Variants in FSD2 observed in about 807,000 individuals in gnomAD.
FSD2 encodes fibronectin type III and SPRY domain containing 2, also known as fibronectin type III and SPRY domain-containing protein 2.
FSD2 carries 71 observed loss-of-function variants against 80.4 expected under a neutral mutation model. The observed-to-expected ratio is 0.88, with a 90% confidence interval of 0.73 to 1.08. The LOEUF (loss-of-function observed/expected upper bound fraction) is 1.08. Ranked by LOEUF, FSD2 falls within the 50% of genes least tolerant of loss-of-function variation. The pLI is 0.00. For synonymous variants in FSD2, 361 were observed against 329.5 expected (o/e 1.10, Z -1.03); for missense variants, 923 against 913.8 (o/e 1.01, Z -0.13).
rs575908396 is a variant in FSD2, at chr15:82,799,167, C to T, written c.-79+6799G>A. On this transcript the variant is annotated intron_variant, in intron 1 of 12. Transcript: ENST00000334574. Reference sequence around the variant, plus strand: ...TTGGGATTACAGGTGTGAGCCAATGCGCCTGGCCTATCTCCACTTTTGATT... The same window carrying T: ...TTGGGATTACAGGTGTGAGCCAATGTGCCTGGCCTATCTCCACTTTTGATT... Among the ~76,000 whole-genome samples, 5 of 152,220 alleles carry T rather than the reference C, an allele frequency of 3.3e-5. No homozygotes were observed. The East Asian group carries it at 9.7e-4, about 29-fold the overall frequency.
At chr15:82,788,106 T>C (rs1414871517) in intron 1 of FSD2, among the ~76,000 whole-genome samples, 1 of 152,062 alleles carries the variant, frequency 6.6e-6, no homozygotes, top group Non-Finnish European at 1.5e-5. Context: ...AAAAGTGGCA[T>C]CTCAATAGAT....
chr15:82,798,873 G>GTTTTTTTTTTTTTTTTTTTTTTTTTTTTT lies in FSD2; in HGVS notation c.-79+7092_-79+7093insAAAAAAAAAAAAAAAAAAAAAAAAAAAAA, dbSNP rs149986626. Among the ~76,000 whole-genome samples, 6 of 111,472 alleles carry GTTTTTTTTTTTTTTTTTTTTTTTTTTTTT rather than the reference G, an allele frequency of 5.4e-5. 2 individuals are homozygous for GTTTTTTTTTTTTTTTTTTTTTTTTTTTTT. Among genetic ancestry groups the GTTTTTTTTTTTTTTTTTTTTTTTTTTTTT allele is most frequent in the African/African-American group, 7.3e-5 (2 of 27,286 alleles). 73.1% of individuals were successfully genotyped at this position (111,472 alleles called of 152,430 possible). A position where few individuals can be genotyped will look rare whatever the true frequency, so the allele number is the denominator to read the frequency against. On this transcript the variant is annotated intron_variant, in intron 1 of 12. Transcript: ENST00000334574. ...AAGTTTTCTTTCCACTATCTCCACT[G>GTTTTTTTTTTTTTTTTTTTTTTTTTTTTT]TTTTGTTTTTTTTTTTTTTTTTGAG...
intron 1 of FSD2, among the ~76,000 whole-genome samples, chr15:82,795,176 A>C (rs530278200): frequency 6.6e-5 from 10 of 152,086 alleles, no homozygotes; most frequent in Admixed American, 5.2e-4. Context: ...TTTAGTTTCA[A>C]TCTATTTGTA....
intron 6 of FSD2, among the ~76,000 whole-genome samples, chr15:82,778,113 A>G (rs1242927098): frequency 9.3e-6 from 1 of 107,192 alleles, no homozygotes; most frequent in Non-Finnish European, 1.8e-5. Context: ...TCTGAAAAAA[A>G]AACACAAAAA....
At chr15:82,780,187 G>C in intron 5 of FSD2, 58 bp downstream of exon 5, 1 of 1,225,702 alleles carries the variant, frequency 8.2e-7, no homozygotes, top group Non-Finnish European at 1.1e-6. Context: ...GAGTCTATTT[G>C]GATAACTAAA....
chr15:82,762,327 G>T, intron 11 of FSD2, 49 bp from the exon 12 acceptor site: 2 of 1,580,306 alleles, frequency 1.3e-6, no homozygotes, highest in Non-Finnish European at 8.6e-7. Flanking sequence ...CCCCAAGCCT[G>T]GCTGTGCAGG....
intron 4 of FSD2, among the ~76,000 whole-genome samples, chr15:82,781,083 A>G (rs1265110872): frequency 6.6e-6 from 1 of 152,162 alleles, no homozygotes; most frequent in East Asian, 1.9e-4. Context: ...AGCACTTTCC[A>G]TGTAGTAAAT....
chr15:82,768,854 G>A, intron 9 of FSD2, 26 bp downstream of exon 9: 1 of 1,461,214 alleles, frequency 6.8e-7, no homozygotes, highest in South Asian at 1.7e-5. Context: ...GGGCTCTCGT[G>A]CCCAGCAAAT....
At chr15:82,768,217 C>A (rs2049468857) in intron 9 of FSD2, among the ~76,000 whole-genome samples, 1 of 152,320 alleles carries the variant, frequency 6.6e-6, no homozygotes, top group South Asian at 2.1e-4. Flanking sequence ...TTCACCCTCA[C>A]CTCTCTGAAT....
intron 1 of FSD2, among the ~76,000 whole-genome samples, chr15:82,797,951 G>A (rs2050317768): frequency 6.6e-6 from 1 of 152,102 alleles, no homozygotes; most frequent in Admixed American, 6.5e-5. Context: ...TATGGTCCCA[G>A]GAGAACAAGA....
chr15:82,794,559 T>C (rs2050218134), intron 1 of FSD2, among the ~76,000 whole-genome samples: 1 of 152,184 alleles, frequency 6.6e-6, no homozygotes, highest in African/African-American at 2.4e-5. Flanking sequence ...TGCTTAGTCA[T>C]TCTATCCATT....
chr15:82,767,791 G>C (rs2049457497), intron 9 of FSD2, among the ~76,000 whole-genome samples: 1 of 152,182 alleles, frequency 6.6e-6, no homozygotes, highest in African/African-American at 2.4e-5. Flanking sequence ...GGAACAGATG[G>C]ATGGGTGGCA....
intron 6 of FSD2, among the ~76,000 whole-genome samples, chr15:82,776,660 T>C (rs2049720180): frequency 6.6e-6 from 1 of 152,154 alleles, no homozygotes; most frequent in Admixed American, 6.6e-5. Flanking sequence ...GTCCATATTA[T>C]GCCAAATGAT....
At chr15:82,780,177 G>C in intron 5 of FSD2, 68 bp downstream of exon 5, 1 of 1,065,890 alleles carries the variant, frequency 9.4e-7, no homozygotes, top group Non-Finnish European at 1.4e-6. Context: ...AAATGGAACT[G>C]AGTCTATTTG....
intron 6 of FSD2, among the ~76,000 whole-genome samples, chr15:82,778,106 G>GAA (rs537915303): frequency 1.5e-5 from 1 of 65,386 alleles, no homozygotes; most frequent in Non-Finnish European, 2.8e-5. Context: ...CCCTGTCTCT[G>GAA]AAAAAAAAAC....
intron 5 of FSD2, 114 bp from the exon 6 acceptor site, chr15:82,779,001 T>G (rs2049788292): frequency 1.5e-6 from 2 of 1,292,056 alleles, no homozygotes; most frequent in Non-Finnish European, 2.1e-6. Context: ...GAACTTTCAT[T>G]TAGTTACAAA....
intron 11 of FSD2, among the ~76,000 whole-genome samples, chr15:82,763,880 G>A (rs189211016): frequency 4.7e-4 from 72 of 152,190 alleles, no homozygotes; most frequent in East Asian, 5.8e-4. Flanking sequence ...ACCTCTTCCC[G>A]TCATGGATCC....
intron 11 of FSD2, among the ~76,000 whole-genome samples, chr15:82,762,583 TA>T (rs1264651804): frequency 6.6e-6 from 1 of 152,030 alleles, no homozygotes; most frequent in Non-Finnish European, 1.5e-5. Context: ...CACTTGTTCA[TA>T]AAAAAAGAAA....
At chr15:82,769,590 A>G (rs1008752548) in intron 8 of FSD2, among the ~76,000 whole-genome samples, 160 bp downstream of exon 8, 1 of 152,090 alleles carries the variant, frequency 6.6e-6, no homozygotes, top group African/African-American at 2.4e-5. Flanking sequence ...TCACTGTCAA[A>G]CTAGGCATGT....
Sources: gnomAD v4.1 joint callset for allele counts (sites outside exome capture counted in the v4.1 genomes callset) on GRCh38, gnomAD v4.1.1 for gene constraint, MANE v1.5 for transcripts, NCBI Gene and HGNC (gene_info 2026-07-23, HGNC 2026-07-21) for gene names.